SSX1: variants seen among roughly 807,000 people sequenced by gnomAD.
The protein encoded by SSX1 is SSX family member 1.
Under a neutral mutation model 14.6 loss-of-function variants are expected in SSX1, and 58 were observed. The observed-to-expected ratio is 3.96, with a 90% CI of 3.21 to 4.93. The LOEUF is 4.93. Ranked by LOEUF, SSX1 falls within the 30% of genes most tolerant of loss-of-function variation. SSX1 has a pLI of 0.00. For missense variants in SSX1, 272 were observed against 143.1 expected (o/e 1.90, Z -4.60); for synonymous variants, 46 against 52.1 (o/e 0.88, Z 0.50).
chrX:48,265,541 T>A (rs782763116), intron 6 of SSX1, among the ~76,000 whole-genome samples: 1 of 50,418 alleles, frequency 2.0e-5, no homozygotes, highest in African/African-American at 5.6e-5. Flanking sequence ...TTACGTTCGT[T>A]ATCTTCTCTA....
intron 4 of SSX1, among the ~76,000 whole-genome samples, chrX:48,261,350 A>G (rs1276640472): frequency 1.2e-4 from 13 of 112,191 alleles, no homozygotes; most frequent in African/African-American, 4.2e-4. Context: ...CCACTGGACT[A>G]AATCATCCAT....
chrX:48,266,804 G>T, intron 7 of SSX1, 50 bp from the exon 8 acceptor site: 1 of 794,921 alleles, frequency 1.3e-6, no homozygotes, highest in African/African-American at 2.0e-5. Flanking sequence ...TGAGTTATTG[G>T]GCAGTGGGAA....
At chrX:48,259,548 C>A (rs1454537832) in intron 4 of SSX1, among the ~76,000 whole-genome samples, 1 of 110,636 alleles carries the variant, frequency 9.0e-6, no homozygotes, top group Non-Finnish European at 1.9e-5. Context: ...TGCGCTGCAC[C>A]CATTAACTCA....
chrX:48,266,003 G>T lies in SSX1; in HGVS notation c.467-284G>T, dbSNP rs782738601. 5.4e-5 allele frequency among the ~76,000 whole-genome samples: 6 copies of T among 111,901 alleles called. No homozygotes were observed. In the South Asian group the frequency reaches 1.9e-3, roughly 35 times the overall value. On this transcript the variant is annotated intron_variant, in intron 6 of 7. Transcript: ENST00000376919. ...ATGCCTGTGTGCCCTTAACAAATAC[G>T]TGCTGAATGAAAGGAGGTATCGGTG...
intron 4 of SSX1, among the ~76,000 whole-genome samples, chrX:48,259,979 G>C (rs2059598449): frequency 9.8e-6 from 1 of 101,997 alleles, no homozygotes; most frequent in South Asian, 4.4e-4. Context: ...TAATGGGATG[G>C]CTGGGTCAAA....
chrX:48,260,785 A>G (rs1601947497), intron 4 of SSX1, among the ~76,000 whole-genome samples: 2 of 45,046 alleles, frequency 4.4e-5, no homozygotes, highest in South Asian at 1.2e-3. Flanking sequence ...TTTAAAAGTG[A>G]AAAAAAAAGA....
chrX:48,255,857 G>A (rs1353386689), intron 1 of SSX1, among the ~76,000 whole-genome samples: 2 of 106,139 alleles, frequency 1.9e-5, no homozygotes, highest in African/African-American at 6.9e-5. Context: ...CTTCCGCCTC[G>A]GCCCTGGGAC....
Position 48,257,266 on chromosome X carries a change from A to G in SSX1, c.25A>G (p.Lys9Glu), listed in dbSNP as rs782543326. ...CATGAACGGAGACGACACCTTTGCA[A>G]AGAGACCCAGGGATGATGCTAAAGC... The part of the protein sequence containing the change: MNGDDTFA[K>E]RPRDDAKASE... Residue 9 changes from lysine (K) to glutamate (E), a missense_variant, in exon 2 of 8, where the codon AAG becomes GAG. By Grantham distance (56) the Lys-to-Glu change is moderately conservative. Coordinates refer to ENST00000376919, the MANE Select transcript of SSX1 (RefSeq NM_005635.4). 102 of 1,209,238 alleles carry G rather than the reference A, an allele frequency of 8.4e-5. No individual in the cohort carries two copies. The South Asian group carries it at 1.6e-3, about 19-fold the overall frequency.
At chrX:48,256,383 GC>G (rs1272477091) in intron 1 of SSX1, among the ~76,000 whole-genome samples, 1 of 102,891 alleles carries the variant, frequency 9.7e-6, no homozygotes, top group African/African-American at 3.6e-5. Flanking sequence ...CAAGCGATCC[GC>G]CCCCCCTTGG....
At chrX:48,259,396 T>C (rs186010473) in intron 4 of SSX1, among the ~76,000 whole-genome samples, 178 of 112,149 alleles carry the variant, frequency 1.6e-3, no homozygotes, top group Middle Eastern at 9.2e-3. Flanking sequence ...TTCCCCATAC[T>C]ATTCTGTGTG....
intron 7 of SSX1, 90 bp from the exon 8 acceptor site, chrX:48,266,764 C>A: frequency 1.6e-6 from 1 of 612,029 alleles, no homozygotes. Context: ...TCAGAGTGTG[C>A]AGGGTCTGCA....
chrX:48,261,632 G>A (rs1229853226), intron 4 of SSX1, 134 bp from the exon 5 acceptor site: 25 of 721,290 alleles, frequency 3.5e-5, no homozygotes, highest in Non-Finnish European at 5.1e-5. Context: ...TAATTCAGAA[G>A]CAAATCTCAA....
chrX:48,258,868 C>T (rs1398736079), intron 4 of SSX1, among the ~76,000 whole-genome samples: 1 of 111,039 alleles, frequency 9.0e-6, no homozygotes, highest in African/African-American at 3.3e-5. Flanking sequence ...AACATAAATG[C>T]GAATAAAAAG....
chrX:48,259,089 C>T (rs1556935054), intron 4 of SSX1, among the ~76,000 whole-genome samples: 2 of 111,318 alleles, frequency 1.8e-5, no homozygotes, highest in Non-Finnish European at 3.8e-5. Flanking sequence ...CTCTGCCTCC[C>T]GGGTTCAAAC....
At position 48,261,791 on chromosome X, in the gene SSX1, C is replaced by T. The variant is rs1556935522; in HGVS notation, c.306C>T (p.Gly102=). The change falls in exon 5 of 8, where the codon GGC becomes GGT. Residue 102 remains glycine, a synonymous_variant. Transcript: ENST00000376919. The part of the protein sequence containing the change: ...IQVEHPQMTF[G]RLHRIIPKIM... ...TTGAACATCCTCAGATGACTTTCGG[C>T]AGGCTCCACAGAATCATCCCGAAGG... 8 of 1,209,217 alleles carry T rather than the reference C, an allele frequency of 6.6e-6. No individual in the cohort carries two copies. The highest frequency in any genetic ancestry group is 8.9e-6 in the Non-Finnish European group (8 of 894,708).
At chrX:48,264,016 C>T in intron 6 of SSX1, 99 bp downstream of exon 6, 1 of 1,128,426 alleles carries the variant, frequency 8.9e-7, no homozygotes, top group Non-Finnish European at 1.2e-6. Context: ...AAGCCTGGGT[C>T]CAGGCTGGGC....
At chrX:48,256,467 T>G (rs1445823387) in intron 1 of SSX1, among the ~76,000 whole-genome samples, 4 of 81,761 alleles carry the variant, frequency 4.9e-5, no homozygotes, top group African/African-American at 1.3e-4. Flanking sequence ...TTTTTTTTTT[T>G]TTTTTTTTTT....
rs2059587510 is a variant in SSX1 at position 48,257,753 on chromosome X, A to G, written c.77A>G (p.Asp26Gly). The G allele has an allele frequency of 1.1e-5, 13 of 1,199,624 alleles. No individual in the cohort carries two copies. The highest frequency in any genetic ancestry group is 6.7e-5 in the Admixed American group (3 of 44,620). The change falls in exon 3 of 8, where the codon GAT becomes GGT. Residue 26 changes from aspartate to glycine, a missense_variant. Coordinates refer to ENST00000376919, the MANE Select transcript of SSX1 (RefSeq NM_005635.4). ...TTATTTTATTTTTTTTAGGCCTTTGATGATATTGCCACATACTTCTCTAAG... is the reference window on the plus strand; with the variant it reads ...TTATTTTATTTTTTTTAGGCCTTTGGTGATATTGCCACATACTTCTCTAAG... Reference protein sequence around the residue: ...KASEKRSKAFDDIATYFSKKE... With the variant: ...KASEKRSKAFGDIATYFSKKE...
At chrX:48,264,189 C>A (rs1223038716) in intron 6 of SSX1, among the ~76,000 whole-genome samples, 1 of 112,145 alleles carries the variant, frequency 8.9e-6, no homozygotes, top group African/African-American at 3.2e-5. Flanking sequence ...AATCATAGTT[C>A]GTAAATTGTT....
Sources: gnomAD v4.1 joint callset for allele counts (sites outside exome capture counted in the v4.1 genomes callset) on GRCh38, gnomAD v4.1.1 for gene constraint, MANE v1.5 for transcripts, NCBI Gene and HGNC (gene_info 2026-07-23, HGNC 2026-07-21) for gene names.